Variants in PTPRT observed in about 807,000 individuals in gnomAD.
The protein encoded by PTPRT is protein tyrosine phosphatase receptor type T.
PTPRT carries 56 observed loss-of-function variants against 176.8 expected under a neutral mutation model. That is an observed-to-expected ratio of 0.32 (90% CI 0.26 to 0.40). The LOEUF is 0.40. PTPRT is among the 10% of genes least tolerant of loss of function. The pLI is 1.00. For missense variants in PTPRT, 1,540 were observed against 1,908.2 expected (o/e 0.81, Z 3.60); for synonymous variants, 783 against 739.0 (o/e 1.06, Z -0.96).
intron 2 of PTPRT, 149 bp downstream of exon 2, chr20:42,885,658 G>T (rs2079089867): frequency 2.1e-6 from 2 of 931,402 alleles, no homozygotes; most frequent in Non-Finnish European, 3.0e-6. Flanking sequence ...GCCTTGGTTT[G>T]ACCACCTCTG....
intron 7 of PTPRT, among the ~76,000 whole-genome samples, chr20:42,572,553 G>A (rs2073175050): frequency 6.6e-6 from 1 of 152,026 alleles, no homozygotes; most frequent in African/African-American, 2.4e-5. Flanking sequence ...TCTCTCCCTT[G>A]TCCTTTCGAG....
At chr20:42,102,347 T>A (rs760367447) in intron 25 of PTPRT, 50 bp from the exon 26 acceptor site, 1 of 1,571,226 alleles carries the variant, frequency 6.4e-7, no homozygotes, top group East Asian at 2.3e-5. Context: ...TGGCTGCCCC[T>A]GAGCAAAAGA....
intron 17 of PTPRT, among the ~76,000 whole-genome samples, chr20:42,149,195 G>T (rs1158725798): frequency 6.6e-6 from 1 of 152,190 alleles, no homozygotes; most frequent in Non-Finnish European, 1.5e-5. Flanking sequence ...AGCTGGGGAA[G>T]GAATGTTCCA....
Position 42,315,943 on chromosome 20 carries a change from G to T in PTPRT, c.1919C>A (p.Ala640Asp). ...EERLQKSRRA[A>D]DIIECFSVPV... ...CACCGAAAAGCACTCAATAATGTCA[G>T]CTGCCCTCCGTGACTTCTGAAGTCG... Residue 640 changes from alanine (A) to aspartate (D), a missense_variant, in exon 12 of 31, where the codon GCT (alanine) becomes GAT (aspartate). Physicochemically the swap from Ala to Asp is moderately radical, Grantham distance 126 (BLOSUM62 -2). Transcript: ENST00000373187. 2 of 1,614,160 alleles carry T rather than the reference G, an allele frequency of 1.2e-6. No homozygotes were observed. The highest frequency in any genetic ancestry group is 1.7e-5 in the Admixed American group (1 of 60,030).
intron 1 of PTPRT, among the ~76,000 whole-genome samples, chr20:43,056,483 T>C (rs1390897495): frequency 6.6e-6 from 1 of 152,222 alleles, no homozygotes; most frequent in Admixed American, 6.5e-5. Context: ...TCATAGGAGA[T>C]AGTGAACCTA....
chr20:42,250,614 A>G (rs986360774), intron 13 of PTPRT, among the ~76,000 whole-genome samples: 1 of 152,108 alleles, frequency 6.6e-6, no homozygotes, highest in Non-Finnish European at 1.5e-5. Context: ...ATGGTAAGTC[A>G]CCCTATTCAT....
intron 1 of PTPRT, among the ~76,000 whole-genome samples, chr20:43,055,188 G>A (rs375752943): frequency 4.6e-5 from 7 of 152,012 alleles, no homozygotes; most frequent in African/African-American, 7.2e-5. Flanking sequence ...AAGTTGCACC[G>A]ACCCCTGAAA....
intron 1 of PTPRT, among the ~76,000 whole-genome samples, chr20:43,061,088 A>ATGGG (rs746693659): frequency 0.042 from 847 of 20,224 alleles, 5 homozygotes; most frequent in Non-Finnish European, 0.12. Context: ...GGATAAATGA[A>ATGGG]TGGATGGATG....
chr20:42,817,595 A>C (rs1261877740), intron 2 of PTPRT, among the ~76,000 whole-genome samples: 1 of 152,242 alleles, frequency 6.6e-6, no homozygotes, highest in Non-Finnish European at 1.5e-5. Context: ...ATGAGGTGAG[A>C]AAAACAATCT....
intron 12 of PTPRT, among the ~76,000 whole-genome samples, chr20:42,286,962 A>G (rs2057240080): frequency 6.6e-6 from 1 of 152,010 alleles, no homozygotes; most frequent in South Asian, 2.1e-4. Flanking sequence ...AAAAGGAGAT[A>G]TACAAATGGC....
chr20:42,159,915 C>T (rs746278343), intron 17 of PTPRT, among the ~76,000 whole-genome samples: 4 of 152,136 alleles, frequency 2.6e-5, no homozygotes, highest in Admixed American at 6.5e-5. Flanking sequence ...CAGCTTACTA[C>T]ATTGGAATCC....
intron 7 of PTPRT, among the ~76,000 whole-genome samples, chr20:42,656,289 G>A (rs369000794): frequency 3.9e-5 from 6 of 152,216 alleles, no homozygotes; most frequent in East Asian, 1.9e-4. Flanking sequence ...TAAAAATTCA[G>A]AGCCTGCCTA....
At chr20:43,053,350 C>T (rs991843590) in intron 1 of PTPRT, among the ~76,000 whole-genome samples, 1 of 152,146 alleles carries the variant, frequency 6.6e-6, no homozygotes. Context: ...GTCCCTTGCC[C>T]CTGGGCTTTC....
intron 1 of PTPRT, among the ~76,000 whole-genome samples, chr20:42,910,266 G>A (rs1468578137): frequency 6.6e-6 from 1 of 152,072 alleles, no homozygotes; most frequent in Non-Finnish European, 1.5e-5. Context: ...ATTTCTCACC[G>A]CAGCTTCTCT....
chr20:42,384,013 C>A (rs979200253), intron 9 of PTPRT, among the ~76,000 whole-genome samples: 2 of 152,156 alleles, frequency 1.3e-5, no homozygotes, highest in Non-Finnish European at 2.9e-5. Flanking sequence ...GTAGAGACGA[C>A]AATATGGATG....
At chr20:42,402,665 T>A (rs2058920633) in intron 9 of PTPRT, among the ~76,000 whole-genome samples, 1 of 152,094 alleles carries the variant, frequency 6.6e-6, no homozygotes, top group Non-Finnish European at 1.5e-5. Flanking sequence ...CTCAACAGTC[T>A]GGCTTCCAAC....
chr20:42,683,297 A>G (rs144663216), intron 6 of PTPRT, among the ~76,000 whole-genome samples: 5 of 55,538 alleles, frequency 9.0e-5, no homozygotes, highest in Admixed American at 1.7e-4. Flanking sequence ...TTTTGTTTTG[A>G]GACAGAGTCT....
chr20:42,334,179 A>C (rs1044843321), intron 11 of PTPRT, among the ~76,000 whole-genome samples: 2 of 152,172 alleles, frequency 1.3e-5, no homozygotes. Flanking sequence ...CAATCTTGGC[A>C]CTACTGACAT....
Position 42,463,929 on chromosome 20 carries a change from A to G in PTPRT, c.1450+8337T>C, listed in dbSNP as rs138920323. Among the ~76,000 whole-genome samples, 125 of 152,322 alleles carry G rather than the reference A, an allele frequency of 8.2e-4. 4 individuals carry two copies. The East Asian group carries it at 0.022, about 26-fold the overall frequency. ...CCAGATAAATCTTTACATCTTAATT[A>G]ACTATAGCCTTTTAATTGAACTATA... On this transcript the variant is annotated intron_variant, in intron 8 of 30. Transcript: ENST00000373187.
Sources: gnomAD v4.1 joint callset for allele counts (sites outside exome capture counted in the v4.1 genomes callset) on GRCh38, gnomAD v4.1.1 for gene constraint, MANE v1.5 for transcripts, NCBI Gene and HGNC (gene_info 2026-07-23, HGNC 2026-07-21) for gene names.